CACNA2D3: variants seen among roughly 807,000 people sequenced by gnomAD.
The protein encoded by CACNA2D3 is voltage-dependent calcium channel subunit alpha-2/delta-3.
Under a neutral mutation model 160.6 loss-of-function variants are expected in CACNA2D3, and 60 were observed. The ratio of observed to expected loss-of-function variants is 0.37; its 90% confidence interval spans 0.30 to 0.46. The LOEUF (loss-of-function observed/expected upper bound fraction) is 0.46. CACNA2D3 is among the 20% of genes least tolerant of loss of function. The probability of loss-of-function intolerance (pLI) is 1.00; values close to 1 mark genes in which losing one functional copy is unlikely to be tolerated. For missense variants in CACNA2D3, 1,205 were observed against 1,365.0 expected, an observed-to-expected ratio of 0.88 and a Z score of 1.85; for synonymous variants, 558 against 492.9, an observed-to-expected ratio of 1.13 and a Z score of -1.75.
intron 1 of CACNA2D3, 67 bp from the exon 2 acceptor site, chr3:54,123,446 T>A: frequency 1.0e-6 from 1 of 997,038 alleles, no homozygotes; most frequent in Non-Finnish European, 1.6e-6. Context: ...TGTGTGCGTG[T>A]GCGTGTGCGT....
intron 2 of CACNA2D3, among the ~76,000 whole-genome samples, chr3:54,291,706 G>T (rs1330478098): frequency 6.6e-6 from 1 of 152,136 alleles, no homozygotes; most frequent in Non-Finnish European, 1.5e-5. Flanking sequence ...TTCTGACATT[G>T]CCTAGAACCC....
At chr3:54,706,339 A>G (rs1489343637) in intron 11 of CACNA2D3, among the ~76,000 whole-genome samples, 1 of 152,222 alleles carries the variant, frequency 6.6e-6, no homozygotes, top group East Asian at 1.9e-4. Context: ...AAGTCGTGGC[A>G]GTTCTTAACA....
intron 2 of CACNA2D3, among the ~76,000 whole-genome samples, chr3:54,261,010 T>G (rs977198055): frequency 1.3e-5 from 2 of 152,214 alleles, no homozygotes; most frequent in Non-Finnish European, 2.9e-5. Context: ...GTAAACATCA[T>G]GAGAATGAGG....
chr3:55,070,527 CTCT>C (rs1467837611), intron 35 of CACNA2D3, among the ~76,000 whole-genome samples: 2 of 152,120 alleles, frequency 1.3e-5, no homozygotes, highest in Admixed American at 6.5e-5. Context: ...GGTCACCTAT[CTCT>C]TCTTTTCCAC....
intron 3 of CACNA2D3, among the ~76,000 whole-genome samples, chr3:54,333,226 C>T (rs556999800): frequency 6.6e-6 from 1 of 152,128 alleles, no homozygotes; most frequent in African/African-American, 2.4e-5. Context: ...ACCTCCCAGG[C>T]CAGTGGTTGG....
Position 54,285,764 on chromosome 3 carries a change from G to A in CACNA2D3, c.205-34678G>A, listed in dbSNP as rs547289542. ...AGGAAGATCAGGCAGCAGCATTTGC[G>A]GTTCACCAAAATCCGCTGTTCTGCA... On this transcript the variant is annotated intron_variant, in intron 2 of 37. Transcript: ENST00000474759. Among the ~76,000 whole-genome samples the A allele has an allele frequency of 1.6e-3, 242 of 152,260 alleles. 1 individual carries two copies. The highest frequency in any genetic ancestry group is 5.6e-3 in the African/African-American group (233 of 41,564).
intron 3 of CACNA2D3, among the ~76,000 whole-genome samples, chr3:54,382,845 C>CT (rs1430635702): frequency 6.6e-6 from 1 of 152,124 alleles, no homozygotes; most frequent in Non-Finnish European, 1.5e-5. Flanking sequence ...CATGACTCAG[C>CT]TTTTTTTATT....
At chr3:54,676,505 C>T (rs1476198921) in intron 11 of CACNA2D3, among the ~76,000 whole-genome samples, 2 of 152,068 alleles carry the variant, frequency 1.3e-5, no homozygotes, top group Non-Finnish European at 2.9e-5. Context: ...GGGGTGTGTG[C>T]TGGGCCCCTA....
intron 35 of CACNA2D3, among the ~76,000 whole-genome samples, chr3:55,029,180 T>C (rs563362198): frequency 1.3e-5 from 2 of 152,250 alleles, no homozygotes; most frequent in South Asian, 2.1e-4. Context: ...CATTGCACAA[T>C]AGGGACACAG....
chr3:54,811,414 T>C (rs1041320207), intron 13 of CACNA2D3, among the ~76,000 whole-genome samples: 1 of 148,942 alleles, frequency 6.7e-6, no homozygotes, highest in African/African-American at 2.5e-5. Flanking sequence ...GGTCAGACTA[T>C]TGCCTGCTGC....
intron 2 of CACNA2D3, among the ~76,000 whole-genome samples, chr3:54,259,506 T>G (rs531816373): frequency 1.3e-5 from 2 of 152,294 alleles, no homozygotes; most frequent in African/African-American, 4.8e-5. Flanking sequence ...CTGGTGAGAT[T>G]TCATTTCTGC....
At chr3:54,936,515 C>T (rs988157242) in intron 27 of CACNA2D3, among the ~76,000 whole-genome samples, 2 of 152,162 alleles carry the variant, frequency 1.3e-5, no homozygotes, top group East Asian at 3.8e-4. Flanking sequence ...AAAATAAAGG[C>T]CCTGCCTTGA....
intron 27 of CACNA2D3, among the ~76,000 whole-genome samples, chr3:54,939,201 G>A (rs1701398888): frequency 6.6e-6 from 1 of 152,078 alleles, no homozygotes; most frequent in African/African-American, 2.4e-5. Context: ...TCAGACACAG[G>A]GTGCTTTACC....
Position 55,052,067 on chromosome 3 carries a change from C to T in CACNA2D3, c.2988-21378C>T, listed in dbSNP as rs569485268. On this transcript the variant is annotated intron_variant, in intron 35 of 37. Transcript: ENST00000474759. ...GAAATGCCGAAATGACTGTCTTCTG[C>T]GTTGCTCACTCTGGGAGCTGTAGAC... Among the ~76,000 whole-genome samples the T allele has an allele frequency of 1.1e-3, 172 of 152,276 alleles. 4 individuals are homozygous for T. In the South Asian group the frequency reaches 0.035, roughly 31 times the overall value.
Position 54,891,448 on chromosome 3 carries a change from T to C in CACNA2D3, c.2244T>C (p.Asn748=). ...TTGTCGGGGCTGAGCAGCTCACCAA[T>C]CAGTAAGTAGGAGGGATCCTCTACA... ...NLFVGAEQLT[N]QDFLKAGDKE... The change falls in exon 25 of 38, where the codon AAT becomes AAC. Residue 748 remains asparagine, a splice_region_variant and synonymous_variant. Coordinates refer to ENST00000474759, the MANE Select transcript of CACNA2D3 (RefSeq NM_018398.3). The C allele has an allele frequency of 6.2e-7, 1 of 1,612,340 alleles. No homozygotes were observed. Among genetic ancestry groups the C allele is most frequent in the Non-Finnish European group, 8.5e-7 (1 of 1,178,486 alleles).
chr3:54,129,085 G>A lies in CACNA2D3; in HGVS notation c.204+5491G>A, dbSNP rs185963298. On this transcript the variant is annotated intron_variant, in intron 2 of 37. Coordinates refer to ENST00000474759, the MANE Select transcript of CACNA2D3 (RefSeq NM_018398.3). ...AAGAAAATGATATGAGGAAGAGGAG[G>A]ATGCTTGATTTTTTGTGATTTTCCT... Among the ~76,000 whole-genome samples, 234 of 142,772 alleles carry A rather than the reference G, an allele frequency of 1.6e-3. 2 individuals are homozygous for A. Among genetic ancestry groups the A allele is most frequent in the East Asian group, 2.7e-3 (12 of 4,380 alleles). 93.7% of individuals were successfully genotyped at this position (142,772 alleles called of 152,430 possible). A position where few individuals can be genotyped will look rare whatever the true frequency, so the allele number is the denominator to read the frequency against.
At chr3:54,281,714 T>C (rs1010565411) in intron 2 of CACNA2D3, among the ~76,000 whole-genome samples, 4 of 152,242 alleles carry the variant, frequency 2.6e-5, no homozygotes, top group Non-Finnish European at 5.9e-5. Flanking sequence ...TTGTATAGAA[T>C]TAAAGCTGAA....
intron 27 of CACNA2D3, among the ~76,000 whole-genome samples, chr3:54,930,566 C>G (rs946826121): frequency 2.6e-5 from 4 of 152,184 alleles, no homozygotes; most frequent in Non-Finnish European, 5.9e-5. Flanking sequence ...TGTTGGAGGT[C>G]AAGACCCTGG....
intron 31 of CACNA2D3, among the ~76,000 whole-genome samples, chr3:55,004,305 C>A (rs989303872): frequency 2.6e-5 from 4 of 152,206 alleles, no homozygotes; most frequent in Non-Finnish European, 5.9e-5. Flanking sequence ...TGGTCCAAAC[C>A]TGTTTCCTGG....
Sources: allele counts gnomAD v4.1 joint callset (sites outside exome capture counted in the v4.1 genomes callset), GRCh38; gene constraint gnomAD v4.1.1; transcripts MANE v1.5; gene names NCBI Gene and HGNC (gene_info 2026-07-23, HGNC 2026-07-21).